The following ZNF638 variants were observed in gnomAD, a reference collection of about 807,000 sequenced individuals.
ZNF638 encodes CTCL tumor antigen se33-1.
Under a neutral mutation model 195.6 loss-of-function variants are expected in ZNF638, and 46 were observed. The observed-to-expected ratio is 0.24, with a 90% CI of 0.19 to 0.30. The LOEUF (loss-of-function observed/expected upper bound fraction) is 0.30, where lower values mean the gene tolerates loss of function less well. ZNF638 is among the 10% of genes least tolerant of loss of function. ZNF638 has a pLI of 1.00. For missense variants in ZNF638, 2,440 were observed against 2,325.3 expected, an observed-to-expected ratio of 1.05 and a Z score of -1.01; for synonymous variants, 845 against 772.0, an observed-to-expected ratio of 1.09 and a Z score of -1.57.
chr2:71,334,676 C>CT, intron 1 of ZNF638: 1 of 152,482 alleles, frequency 6.6e-6, no homozygotes, highest in Non-Finnish European at 1.5e-5. Context: ...GTAATCCCAG[C>CT]ACTTTGGGAG....
At chr2:71,348,675 G>T (rs954341808) in intron 1 of ZNF638, 78 bp from the exon 2 acceptor site, 5 of 1,359,688 alleles carry the variant, frequency 3.7e-6, no homozygotes, top group Non-Finnish European at 4.8e-6. Context: ...ATTTCAAAAT[G>T]TTTTACACTG....
At chr2:71,354,343 C>CTTTT (rs11372261) in intron 2 of ZNF638, among the ~76,000 whole-genome samples, 1 of 143,656 alleles carries the variant, frequency 7.0e-6, no homozygotes. Context: ...ACTGTATTGG[C>CTTTT]TTTTTTTTTT....
chr2:71,427,850 C>T (rs928011569), intron 24 of ZNF638, among the ~76,000 whole-genome samples: 8 of 152,082 alleles, frequency 5.3e-5, no homozygotes, highest in South Asian at 2.1e-4. Flanking sequence ...CAGAATAGTA[C>T]GGCAGCTCAC....
intron 3 of ZNF638, among the ~76,000 whole-genome samples, chr2:71,359,896 CAG>C (rs1332742527): frequency 2.6e-5 from 4 of 152,240 alleles, no homozygotes; most frequent in Non-Finnish European, 4.4e-5. Flanking sequence ...GGAAAGATAA[CAG>C]TGCATCAGAA....
chr2:71,386,293 CAAAAAAAA>C (rs58219651), intron 10 of ZNF638, among the ~76,000 whole-genome samples: 57 of 85,202 alleles, frequency 6.7e-4, no homozygotes, highest in African/African-American at 2.0e-3. Context: ...GACCTTGTCT[CAAAAAAAA>C]AAAAAAAAAA....
intron 8 of ZNF638, among the ~76,000 whole-genome samples, chr2:71,370,631 T>C (rs1427886392): frequency 6.6e-6 from 1 of 152,190 alleles, no homozygotes; most frequent in Non-Finnish European, 1.5e-5. Flanking sequence ...TGTATGTGTG[T>C]GTTTTTTAAA....
rs575326874 is a variant in ZNF638, at chr2:71,332,266, A to G, written c.-203+391A>G. Among the ~76,000 whole-genome samples, 4 of 152,348 alleles carry G rather than the reference A, an allele frequency of 2.6e-5. No individual in the cohort carries two copies. The East Asian group carries it at 7.7e-4, about 29-fold the overall frequency. On this transcript the variant is annotated intron_variant, in intron 1 of 27. Transcript: ENST00000264447. ...CTGCCGAGGCTGCGCTGGGCCTGAC[A>G]GCCGAGGAAGCGGTGGTGAGGGAAT...
chr2:71,434,773 A>T lies in ZNF638; in HGVS notation c.5903A>T (p.Glu1968Val). 6.2e-7 allele frequency: 1 copy of T among 1,612,250 alleles called. No homozygotes were observed. Among genetic ancestry groups the T allele is most frequent in the Non-Finnish European group, 8.5e-7 (1 of 1,179,474 alleles). ...KFMAKQRKEK[E>V]QNEAEERSSR is the part of the protein sequence containing the mutation. ...ATGGCCAAGCAAAGAAAGGAAAAGG[A>T]GCAGAATGAGGCTGAAGAAAGAAGC... is the stretch of plus-strand genomic sequence containing the variant. Residue 1968 changes from glutamate to valine, a missense_variant, in exon 28 of 28, where the codon GAG becomes GTG. By Grantham distance (121) the Glu-to-Val change is moderately radical (BLOSUM62 -2). Coordinates refer to ENST00000264447, the MANE Select transcript of ZNF638 (RefSeq NM_014497.5).
chr2:71,406,308 T>A, intron 19 of ZNF638, 46 bp downstream of exon 19: 1 of 1,539,570 alleles, frequency 6.5e-7, no homozygotes, highest in Non-Finnish European at 9.0e-7. Context: ...GTAAAGAATG[T>A]ATAATAACCC....
At chr2:71,359,315 C>CTAT (rs2079071848) in intron 3 of ZNF638, among the ~76,000 whole-genome samples, 1 of 152,156 alleles carries the variant, frequency 6.6e-6, no homozygotes, top group Non-Finnish European at 1.5e-5. Context: ...GCAAAAGGCC[C>CTAT]TATAGCCCCA....
Position 71,405,156 on chromosome 2 carries a change from C to T in ZNF638, c.2959-445C>T, listed in dbSNP as rs375407478. 3.9e-5 allele frequency among the ~76,000 whole-genome samples: 6 copies of T among 152,162 alleles called. No homozygotes were observed. The South Asian group carries it at 8.3e-4, about 21-fold the overall frequency. ...CTCTGCCTGCTTTGATATCCTTGTT[C>T]CCTGATGTTCTTGGCCTCTTCATAA... On this transcript the variant is annotated intron_variant, in intron 17 of 27. Transcript: ENST00000264447.
intron 10 of ZNF638, among the ~76,000 whole-genome samples, chr2:71,393,999 C>T (rs924410151): frequency 6.6e-5 from 10 of 152,194 alleles, no homozygotes; most frequent in African/African-American, 1.9e-4. Context: ...AGCCTCAAAC[C>T]GGGCAAGGCA....
chr2:71,389,567 C>T (rs1041990113), intron 10 of ZNF638, among the ~76,000 whole-genome samples: 1 of 152,136 alleles, frequency 6.6e-6, no homozygotes, highest in African/African-American at 2.4e-5. Context: ...CAAAACATAA[C>T]AGCTGCTATG....
chr2:71,386,225 T>G (rs2079634553), intron 10 of ZNF638, among the ~76,000 whole-genome samples: 1 of 145,340 alleles, frequency 6.9e-6, no homozygotes, highest in African/African-American at 2.6e-5. Flanking sequence ...GCCCAGGAGG[T>G]CGACGCTTCA....
intron 21 of ZNF638, among the ~76,000 whole-genome samples, chr2:71,419,489 C>T (rs1444002173): frequency 6.6e-6 from 1 of 152,134 alleles, no homozygotes; most frequent in Admixed American, 6.5e-5. Flanking sequence ...GATTTTTCTT[C>T]TCAGTAATTT....
chr2:71,432,430 A>C (rs2080684373), intron 26 of ZNF638, among the ~76,000 whole-genome samples: 1 of 152,168 alleles, frequency 6.6e-6, no homozygotes, highest in South Asian at 2.1e-4. Context: ...CAAACCCCTG[A>C]GCTCAAGCAG....
Position 71,365,638 on chromosome 2 carries a change from A to C in ZNF638, c.1927A>C (p.Asn643His). 6.2e-7 allele frequency: 1 copy of C among 1,614,168 alleles called. No individual in the cohort carries two copies. The highest frequency in any genetic ancestry group is 8.5e-7 in the Non-Finnish European group (1 of 1,179,990). ...ACATTCTATTCGTTGTAAATCAAAG[A>C]ATCTTGAAGATGACACTTTGTCAGA... The part of the protein sequence containing the change: ...GGHSIRCKSK[N>H]LEDDTLSECK... Residue 643 changes from asparagine (N) to histidine (H), a missense_variant, in exon 6 of 28, where the codon AAT becomes CAT. Physicochemically the swap from Asn to His is moderately conservative, Grantham distance 68. Transcript: ENST00000264447.
At chr2:71,360,468 CTT>C (rs60998410) in intron 3 of ZNF638, among the ~76,000 whole-genome samples, 8,596 of 152,198 alleles carry the variant, frequency 0.056, 949 homozygotes, top group East Asian at 0.55. Context: ...TATAATTCTT[CTT>C]GTTTGCCCCA....
intron 1 of ZNF638, among the ~76,000 whole-genome samples, chr2:71,337,644 A>G (rs1399359625): frequency 2.4e-5 from 3 of 124,142 alleles, no homozygotes; most frequent in Non-Finnish European, 5.7e-5. Context: ...GAGCTCAAGC[A>G]TTCCACCTGT....
Sources: gnomAD v4.1 joint callset for allele counts (sites outside exome capture counted in the v4.1 genomes callset) on GRCh38, gnomAD v4.1.1 for gene constraint, MANE v1.5 for transcripts, NCBI Gene and HGNC (gene_info 2026-07-23, HGNC 2026-07-21) for gene names.